Variants in PEX14 observed in about 807,000 individuals in gnomAD.
PEX14 encodes the protein peroxisomal membrane protein PEX14.
PEX14 carries 15 observed loss-of-function variants against 49.5 expected under a neutral mutation model. The ratio of observed to expected loss-of-function variants is 0.30; its 90% CI spans 0.20 to 0.47. The LOEUF is 0.47. Among genes scored for constraint, PEX14 ranks in the 20% least tolerant of loss-of-function variants. The pLI, the probability that PEX14 is intolerant of heterozygous loss-of-function variation, is 1.00. For missense variants in PEX14, 398 were observed against 494.8 expected (o/e 0.80, Z 1.86); for synonymous variants, 210 against 212.7 (o/e 0.99, Z 0.11).
At chr1:10,586,345 C>T (rs1236064300) in intron 3 of PEX14, among the ~76,000 whole-genome samples, 2 of 152,174 alleles carry the variant, frequency 1.3e-5, no homozygotes, top group Non-Finnish European at 2.9e-5. Flanking sequence ...ACAGCTAGAG[C>T]TCTTCTACTC....
chr1:10,609,763 T>C (rs1175047613), intron 4 of PEX14, among the ~76,000 whole-genome samples: 1 of 152,082 alleles, frequency 6.6e-6, no homozygotes, highest in Admixed American at 6.6e-5. Flanking sequence ...CGGGCGCCTG[T>C]AATCCCAGCT....
chr1:10,560,754 G>T lies in PEX14; in HGVS notation c.169+24457G>T, dbSNP rs183738828. ...TTTTTTTGAGACGGAGTCTTGCTCTGTCGCCCAGGTTGGAGTGCAGTGGTG... is the reference window on the plus strand; with the variant it reads ...TTTTTTTGAGACGGAGTCTTGCTCTTTCGCCCAGGTTGGAGTGCAGTGGTG... On this transcript the variant is annotated intron_variant, in intron 3 of 8. Coordinates refer to ENST00000356607, the MANE Select transcript of PEX14 (RefSeq NM_004565.3). Among the ~76,000 whole-genome samples the T allele has an allele frequency of 1.2e-3, 161 of 129,266 alleles. 1 individual carries two copies. The highest frequency in any genetic ancestry group is 6.1e-3 in the South Asian group (25 of 4,074). 84.8% of individuals were successfully genotyped at this position (129,266 alleles called of 152,430 possible). A position where few individuals can be genotyped will look rare whatever the true frequency, so the allele number is the denominator to read the frequency against.
At chr1:10,614,607 C>A (rs1641361274) in intron 4 of PEX14, among the ~76,000 whole-genome samples, 1 of 152,186 alleles carries the variant, frequency 6.6e-6, no homozygotes, top group Non-Finnish European at 1.5e-5. Flanking sequence ...GCAGAGGAAT[C>A]CAGCAAACTC....
chr1:10,504,278 T>C (rs1288750021), intron 2 of PEX14, among the ~76,000 whole-genome samples: 1 of 152,212 alleles, frequency 6.6e-6, no homozygotes, highest in Non-Finnish European at 1.5e-5. Context: ...TCCACAAATC[T>C]TCTCTCTGCC....
chr1:10,559,367 G>A (rs1639582374), intron 3 of PEX14, among the ~76,000 whole-genome samples: 1 of 152,112 alleles, frequency 6.6e-6, no homozygotes, highest in Non-Finnish European at 1.5e-5. Flanking sequence ...ATTTGGTCCA[G>A]TATTTATTCT....
chr1:10,554,341 G>T (rs1639425910), intron 3 of PEX14, among the ~76,000 whole-genome samples: 1 of 151,736 alleles, frequency 6.6e-6, no homozygotes, highest in Non-Finnish European at 1.5e-5. Context: ...AAAATGTGTG[G>T]AGCTGAGGCA....
rs201704437 is a variant in PEX14 at position 10,618,433 on chromosome 1, C to G, written c.384+16C>G. ...GCTCTACAAGGTGAGTCACCCCCAG[C>G]GGCTGCAGGTGCTGTGCCCCTGCCA... On this transcript the variant is annotated intron_variant, in intron 5 of 8. Transcript: ENST00000356607. The G allele has an allele frequency of 5.7e-6, 9 of 1,591,592 alleles. No homozygotes were observed. Among genetic ancestry groups the G allele is most frequent in the Non-Finnish European group, 7.8e-6 (9 of 1,161,206 alleles).
At chr1:10,596,683 G>T (rs1310873897) in intron 3 of PEX14, among the ~76,000 whole-genome samples, 1 of 152,130 alleles carries the variant, frequency 6.6e-6, no homozygotes, top group South Asian at 2.1e-4. Context: ...TGGGCCTCAG[G>T]TTTCTTATCT....
At chr1:10,544,006 G>A (rs546004723) in intron 3 of PEX14, among the ~76,000 whole-genome samples, 1 of 152,334 alleles carries the variant, frequency 6.6e-6, no homozygotes, top group South Asian at 2.1e-4. Context: ...GTCCTGCTGA[G>A]TCCGTCTTCA....
chr1:10,535,810 T>TG, intron 2 of PEX14: 1 of 334,796 alleles, frequency 3.0e-6, no homozygotes, highest in Non-Finnish European at 5.8e-6. Context: ...TACGTGCGCG[T>TG]GGGGTAACGT....
chr1:10,619,714 A>G (rs1466481717), intron 5 of PEX14, among the ~76,000 whole-genome samples: 1 of 152,196 alleles, frequency 6.6e-6, no homozygotes, highest in African/African-American at 2.4e-5. Context: ...CAGATTCTTC[A>G]TTTTTGATGT....
chr1:10,629,798 C>T lies in PEX14; in HGVS notation c.945C>T (p.Gly315=), dbSNP rs560264914. The T allele has an allele frequency of 2.7e-5, 42 of 1,580,928 alleles. No individual in the cohort carries two copies. The highest frequency in any genetic ancestry group is 5.4e-5 in the African/African-American group (4 of 74,260). ...GCCAGGTGCGGATGGAGGTGCAAGG[C>T]GAGGAGGAGAAGAGGGAGGACAAGG... is the stretch of plus-strand genomic sequence containing the variant. ...VKGQVRMEVQ[G]EEEKREDKED... is the part of the protein sequence containing the mutation. Residue 315 remains glycine, a synonymous_variant, in exon 9 of 9, where the codon GGC becomes GGT. Coordinates refer to ENST00000356607, the MANE Select transcript of PEX14 (RefSeq NM_004565.3). This position sits in a 1 kb window ranked among gnomAD's most constrained non-coding sequence, Gnocchi z 8.5.
intron 2 of PEX14, among the ~76,000 whole-genome samples, chr1:10,518,727 C>T (rs1454080224): frequency 1.3e-5 from 2 of 152,044 alleles, no homozygotes; most frequent in Non-Finnish European, 1.5e-5. Flanking sequence ...TATATTTTTC[C>T]TTCAGTTGCC....
chr1:10,572,039 C>T (rs772849503), intron 3 of PEX14, among the ~76,000 whole-genome samples: 1 of 152,198 alleles, frequency 6.6e-6, no homozygotes, highest in Non-Finnish European at 1.5e-5. Flanking sequence ...TTGCCAGATA[C>T]TGGACACAAG....
In PEX14 at chr1:10,474,960, C is replaced by G; in HGVS notation, c.-7C>G. ...CAGCGGCGGTTGATTAGTCAGGCCT[C>G]AGAAAGATGGCGTCCTCGGAGCAGG... is the stretch of plus-strand genomic sequence containing the variant. On this transcript the variant is annotated 5_prime_UTR_variant, in exon 1 of 9. Coordinates refer to ENST00000356607, the MANE Select transcript of PEX14 (RefSeq NM_004565.3). The G allele has an allele frequency of 1.9e-6, 3 of 1,607,584 alleles. No homozygotes were observed. Among genetic ancestry groups the G allele is most frequent in the Non-Finnish European group, 1.7e-6 (2 of 1,177,266 alleles).
Position 10,629,503 on chromosome 1 carries a change from C to T in PEX14, c.678-28C>T. On this transcript the variant is annotated intron_variant, in intron 8 of 8. Transcript: ENST00000356607. The surrounding 1 kb of genome is among the most constrained non-coding windows in gnomAD (Gnocchi z 8.5). ...AGGGGGGCGTCCTGAATGCCGCCACCAACCTCCTCCCCTTCTTCTCCCTCT... is the reference window on the plus strand; with the variant it reads ...AGGGGGGCGTCCTGAATGCCGCCACTAACCTCCTCCCCTTCTTCTCCCTCT... 6.5e-7 allele frequency: 1 copy of T among 1,548,650 alleles called. No individual in the cohort carries two copies. The highest frequency in any genetic ancestry group is 8.9e-7 in the Non-Finnish European group (1 of 1,122,900).
intron 3 of PEX14, among the ~76,000 whole-genome samples, chr1:10,557,455 G>C (rs1407773893): frequency 6.6e-6 from 1 of 152,080 alleles, no homozygotes; most frequent in Admixed American, 6.5e-5. Flanking sequence ...CTGTGGTGGC[G>C]GGCGCCTGTA....
At chr1:10,509,336 C>T (rs191562118) in intron 2 of PEX14, among the ~76,000 whole-genome samples, 34 of 152,280 alleles carry the variant, frequency 2.2e-4, no homozygotes, top group African/African-American at 6.7e-4. Flanking sequence ...GAAGAAATAA[C>T]GAGAAATAGT....
chr1:10,478,597 T>C (rs1016162924), intron 1 of PEX14, among the ~76,000 whole-genome samples: 9 of 152,202 alleles, frequency 5.9e-5, no homozygotes, highest in African/African-American at 2.2e-4. Flanking sequence ...GGTTGATCTA[T>C]TGATTGAGAC....
Sources: allele counts gnomAD v4.1 joint callset (sites outside exome capture counted in the v4.1 genomes callset), GRCh38; gene constraint gnomAD v4.1.1; non-coding constraint Gnocchi (gnomAD v3.1); transcripts MANE v1.5; gene names NCBI Gene and HGNC (gene_info 2026-07-23, HGNC 2026-07-21).